ADGRF5: variants seen among roughly 807,000 people sequenced by gnomAD.
ADGRF5 encodes G-protein coupled receptor 116.
Under a neutral mutation model 132.3 loss-of-function variants are expected in ADGRF5, and 75 were observed. The ratio of observed to expected loss-of-function variants is 0.57; its 90% CI spans 0.47 to 0.69. The LOEUF (loss-of-function observed/expected upper bound fraction) is 0.69, where lower values mean the gene tolerates loss of function less well. Ranked by LOEUF, ADGRF5 falls within the 30% of genes least tolerant of loss-of-function variation. The pLI is 0.00. For missense variants in ADGRF5, 1,516 were observed against 1,630.6 expected (o/e 0.93, Z 1.21); for synonymous variants, 629 against 597.6 (o/e 1.05, Z -0.77).
intron 1 of ADGRF5, among the ~76,000 whole-genome samples, chr6:46,907,514 G>T (rs1775512061): frequency 6.6e-6 from 1 of 151,964 alleles, no homozygotes; most frequent in African/African-American, 2.4e-5. Flanking sequence ...CTTATGTGTT[G>T]ATTTTTTAAA....
intron 2 of ADGRF5, among the ~76,000 whole-genome samples, chr6:46,900,293 AT>A (rs199662943): frequency 0.019 from 2,904 of 151,558 alleles, 45 homozygotes; most frequent in South Asian, 0.052. Flanking sequence ...CTAGGAATTC[AT>A]TTTTTTTTAG....
chr6:46,853,038 G>A lies in ADGRF5; in HGVS notation c.*954C>T, dbSNP rs1036506045. The A allele has an allele frequency of 2.0e-5, 3 of 152,528 alleles. No homozygotes were observed. Among genetic ancestry groups the A allele is most frequent in the African/African-American group, 7.2e-5 (3 of 41,414 alleles). 9.4% of individuals were successfully genotyped at this position (152,528 alleles called of 1,614,324 possible). A position where few individuals can be genotyped will look rare whatever the true frequency, so the allele number is the denominator to read the frequency against. The stretch of plus-strand genomic sequence containing the variant: ...GTCTTCAGTGCAACATATCAAATTT[G>A]GCAATTGAAGGGTATATCAAATATA... On this transcript the variant is annotated 3_prime_UTR_variant, in exon 21 of 21. Coordinates refer to ENST00000283296, the MANE Select transcript of ADGRF5 (RefSeq NM_001098518.2).
intron 1 of ADGRF5, among the ~76,000 whole-genome samples, chr6:46,939,233 C>G (rs978972685): frequency 1.3e-5 from 2 of 152,174 alleles, no homozygotes; most frequent in Non-Finnish European, 2.9e-5. Context: ...ACTAGTGGTT[C>G]TCTTCTACCT....
upstream of ADGRF5, among the ~76,000 whole-genome samples, chr6:46,922,267 A>G (rs770335480): frequency 6.6e-6 from 1 of 152,202 alleles, no homozygotes; most frequent in African/African-American, 2.4e-5. Context: ...AATTAAGACT[A>G]TCGATGAATT....
chr6:46,951,201 C>T (rs536397149), intron 1 of ADGRF5, among the ~76,000 whole-genome samples: 2 of 152,246 alleles, frequency 1.3e-5, no homozygotes, highest in Admixed American at 6.5e-5. Context: ...CAGCTGTAGA[C>T]AAGGTGGGCA....
chr6:46,941,456 GAAAAGAAAAGAAAGAA>G (rs1561838984), intron 1 of ADGRF5, among the ~76,000 whole-genome samples: 1 of 42,056 alleles, frequency 2.4e-5, no homozygotes, highest in East Asian at 9.7e-4. Flanking sequence ...GAAAAGAAAA[GAAAAGAAAAGAAAGAA>G]AAGAAAAGAA....
Position 46,881,472 on chromosome 6 carries a change from A to G in ADGRF5, c.797T>C (p.Phe266Ser). The change falls in exon 8 of 21, where the codon TTT becomes TCT. Residue 266 changes from phenylalanine (F) to serine (S), a missense_variant. Coordinates refer to ENST00000283296, the MANE Select transcript of ADGRF5 (RefSeq NM_001098518.2). ...NQTYKMDYNS[F>S]QAVTINESNF... ...TCACTTACTGATAGTAACTGCTTGAAAGGAGTTGTAGTCCATTTTGTAGGT... is the reference window on the plus strand; with the variant it reads ...TCACTTACTGATAGTAACTGCTTGAGAGGAGTTGTAGTCCATTTTGTAGGT... The G allele has an allele frequency of 6.2e-7, 1 of 1,613,432 alleles. No homozygotes were observed. Among genetic ancestry groups the G allele is most frequent in the Non-Finnish European group, 8.5e-7 (1 of 1,179,392 alleles).
In ADGRF5 at chr6:46,869,029, C is replaced by A; in HGVS notation, c.1475G>T (p.Cys492Phe). 1 of 1,613,754 alleles carries A rather than the reference C, an allele frequency of 6.2e-7. No individual in the cohort carries two copies. The highest frequency in any genetic ancestry group is 8.5e-7 in the Non-Finnish European group (1 of 1,179,716). Residue 492 changes from cysteine to phenylalanine, a missense_variant, in exon 12 of 21, where the codon TGC becomes TTC. Physicochemically the swap from Cys to Phe is radical, Grantham distance 205. This residue lies in a region of ADGRF5 where 945 missense variants were observed against 929.4 expected (regional missense o/e 1.02). Transcript: ENST00000283296. ...VSEGQNFSIKCISDVSNYDEV... is the reference protein window; with the variant it reads ...VSEGQNFSIKFISDVSNYDEV... ...ATCATAGTTACTCACATCACTGATG[C>A]ATTTTATAGAAAAGTTTTGTCCCTC...
rs1052874383 is a variant in ADGRF5 at position 46,882,099 on chromosome 6, C to T, written c.621G>A (p.Lys207=). ...YKTDLETAFR[K]GYGILPGFKG... is the part of the protein sequence containing the mutation. ...TGAAGCCTGGTAAAATTCCGTAACC[C>T]TTCCGGAACTGAAAAATAAAGCAAG... is the stretch of plus-strand genomic sequence containing the variant. Residue 207 remains lysine (K), a synonymous_variant, in exon 7 of 21, where the codon AAG becomes AAA. Coordinates refer to ENST00000283296, the MANE Select transcript of ADGRF5 (RefSeq NM_001098518.2). 1.2e-6 allele frequency: 2 copies of T among 1,608,248 alleles called. No homozygotes were observed. The highest frequency in any genetic ancestry group is 1.3e-5 in the African/African-American group (1 of 74,780).
chr6:46,898,183 T>C (rs1044254917), intron 3 of ADGRF5, among the ~76,000 whole-genome samples: 44 of 152,210 alleles, frequency 2.9e-4, no homozygotes, highest in African/African-American at 1.0e-3. Flanking sequence ...CCACGGGTCA[T>C]AAACAGCCTG....
chr6:46,916,581 A>G (rs1360229559), intron 1 of ADGRF5, among the ~76,000 whole-genome samples: 1 of 152,208 alleles, frequency 6.6e-6, no homozygotes, highest in Non-Finnish European at 1.5e-5. Context: ...GGACATTATC[A>G]TCTTACATCT....
chr6:46,889,767 AT>A (rs568975934), intron 3 of ADGRF5, among the ~76,000 whole-genome samples: 1,276 of 109,168 alleles, frequency 0.012, 18 homozygotes, highest in African/African-American at 0.037. Flanking sequence ...TATATAATAT[AT>A]TATGTGTGTG....
chr6:46,929,103 C>T (rs1370059154), intron 1 of ADGRF5, among the ~76,000 whole-genome samples: 2 of 152,024 alleles, frequency 1.3e-5, no homozygotes, highest in African/African-American at 4.8e-5. Flanking sequence ...AAATGTCCAA[C>T]AATGATAGAC....
At chr6:46,862,798 C>A (rs550613325) in intron 15 of ADGRF5, 90 bp downstream of exon 15, 1 of 663,834 alleles carries the variant, frequency 1.5e-6, no homozygotes, top group Non-Finnish European at 2.5e-6. Flanking sequence ...CACAAAGCAG[C>A]ACCAAACCCA....
At chr6:46,943,681 C>G (rs1778185112) in intron 1 of ADGRF5, among the ~76,000 whole-genome samples, 1 of 152,138 alleles carries the variant, frequency 6.6e-6, no homozygotes. Flanking sequence ...AACAACTTGC[C>G]AAACCTGGTT....
intron 19 of ADGRF5, among the ~76,000 whole-genome samples, 164 bp downstream of exon 19, chr6:46,856,554 A>G (rs1769069326): frequency 6.6e-6 from 1 of 152,214 alleles, no homozygotes; most frequent in Non-Finnish European, 1.5e-5. Flanking sequence ...CAATGGAATG[A>G]TCTATGCCAA....
intron 3 of ADGRF5, among the ~76,000 whole-genome samples, chr6:46,896,769 G>GC (rs1045565919): frequency 1.3e-5 from 2 of 151,632 alleles, no homozygotes; most frequent in Admixed American, 1.3e-4. Flanking sequence ...GTGGGGTTCT[G>GC]CATCCATGGA....
At chr6:46,885,845 A>T (rs1176725657) in intron 4 of ADGRF5, among the ~76,000 whole-genome samples, 2 of 152,248 alleles carry the variant, frequency 1.3e-5, no homozygotes, top group African/African-American at 2.4e-5. Context: ...TAGTACCAAC[A>T]CTCATCAATA....
chr6:46,948,788 C>A (rs1338863066), intron 1 of ADGRF5, among the ~76,000 whole-genome samples: 1 of 152,110 alleles, frequency 6.6e-6, no homozygotes, highest in Non-Finnish European at 1.5e-5. Context: ...AGTTGGCGGG[C>A]AATCTCCCTC....
Sources: allele counts gnomAD v4.1 joint callset (sites outside exome capture counted in the v4.1 genomes callset), GRCh38; gene constraint gnomAD v4.1.1; regional missense constraint gnomAD v4.1.1; transcripts MANE v1.5; gene names NCBI Gene and HGNC (gene_info 2026-07-23, HGNC 2026-07-21).